GLB1L3: variants seen among roughly 807,000 people sequenced by gnomAD.
GLB1L3 encodes the protein galactosidase beta 1 like 3.
Under a neutral mutation model 89.5 loss-of-function variants are expected in GLB1L3, and 89 were observed. The ratio of observed to expected loss-of-function variants is 0.99; its 90% CI spans 0.84 to 1.19. The LOEUF is 1.19. GLB1L3 is among the 50% of genes most tolerant of loss of function. The probability of loss-of-function intolerance (pLI) is 0.00; values close to 1 mark genes in which losing one functional copy is unlikely to be tolerated. For synonymous variants in GLB1L3, 314 were observed against 312.3 expected (o/e 1.01, Z -0.06); for missense variants, 812 against 813.3 (o/e 1.00, Z 0.02).
chr11:134,313,847 G>T, intron 16 of GLB1L3, 94 bp from the exon 17 acceptor site: 1 of 798,652 alleles, frequency 1.3e-6, no homozygotes, highest in South Asian at 1.5e-5. Context: ...CCTGTCCTAA[G>T]GCATGTACAA....
chr11:134,284,924 CTTTT>C (rs536491197), intron 6 of GLB1L3, among the ~76,000 whole-genome samples: 26 of 73,998 alleles, frequency 3.5e-4, no homozygotes, highest in East Asian at 1.9e-3. Context: ...CATGCATTGC[CTTTT>C]TTTTTTTTTT....
chr11:134,324,169 G>A (rs974264161), downstream of GLB1L3, among the ~76,000 whole-genome samples: 18 of 152,170 alleles, frequency 1.2e-4, no homozygotes, highest in African/African-American at 4.3e-4. Context: ...AATTGTTAAA[G>A]TTTTCGTTAA....
intron 13 of GLB1L3, chr11:134,312,077 G>A (rs544567701): frequency 1.0e-4 from 35 of 343,832 alleles, no homozygotes; most frequent in Non-Finnish European, 1.5e-4. Flanking sequence ...GATTACAGGC[G>A]TGAGCCCCTG....
chr11:134,292,824 A>G, intron 8 of GLB1L3: 1 of 460,012 alleles, frequency 2.2e-6, no homozygotes, highest in South Asian at 2.3e-5. Context: ...AGCCTGGCAC[A>G]CTGGAACACG....
chr11:134,295,686 T>C (rs1175697940), intron 9 of GLB1L3, among the ~76,000 whole-genome samples: 2 of 152,210 alleles, frequency 1.3e-5, no homozygotes, highest in Non-Finnish European at 1.5e-5. Context: ...TCTTGGTCTT[T>C]CTGGTGGAAA....
At chr11:134,281,352 C>A in intron 3 of GLB1L3, 25 bp from the exon 4 acceptor site, 1 of 1,613,754 alleles carries the variant, frequency 6.2e-7, no homozygotes, top group Non-Finnish European at 8.5e-7. Context: ...AGATACTCAT[C>A]ATACTTCCCT....
chr11:134,307,029 A>G (rs1255344212), intron 9 of GLB1L3, 95 bp from the exon 10 acceptor site: 22 of 794,338 alleles, frequency 2.8e-5, no homozygotes, highest in Non-Finnish European at 4.1e-5. Flanking sequence ...GGAGAAACGC[A>G]TGAGTTCCTT....
intron 4 of GLB1L3, 35 bp downstream of exon 4, chr11:134,281,480 G>C: frequency 6.5e-7 from 1 of 1,546,030 alleles, no homozygotes; most frequent in East Asian, 2.2e-5. Flanking sequence ...CCCTGGTCAG[G>C]GGCAGGGCAC....
intron 18 of GLB1L3, among the ~76,000 whole-genome samples, chr11:134,315,935 C>T (rs1053345035): frequency 2.6e-5 from 4 of 152,054 alleles, no homozygotes; most frequent in Admixed American, 6.6e-5. Context: ...TCATCATTTA[C>T]GCGTGGATTT....
intron 18 of GLB1L3, among the ~76,000 whole-genome samples, chr11:134,314,661 G>A (rs141962084): frequency 6.6e-6 from 1 of 152,180 alleles, no homozygotes; most frequent in African/African-American, 2.4e-5. Flanking sequence ...ACAATAACAA[G>A]AGGGAGAGAG....
chr11:134,293,157 T>C lies in GLB1L3; in HGVS notation c.824T>C (p.Ile275Thr). 1 of 1,613,782 alleles carries C rather than the reference T, an allele frequency of 6.2e-7. No homozygotes were observed. The highest frequency in any genetic ancestry group is 8.5e-7 in the Non-Finnish European group (1 of 1,179,760). ...SGHTKGVLAA[I>T]NLQKLHQDTF... ...CTTCTTTATGCAGTGTTGGCCGCCA[T>C]CAATTTGCAAAAACTTCACCAGGAT... Residue 275 changes from isoleucine (I) to threonine (T), a missense_variant, in exon 9 of 20, where the codon ATC becomes ACC. Coordinates refer to ENST00000431683, the MANE Select transcript of GLB1L3 (RefSeq NM_001080407.3).
chr11:134,282,225 C>T (rs1234169728), intron 5 of GLB1L3, 105 bp downstream of exon 5: 1 of 1,343,630 alleles, frequency 7.4e-7, no homozygotes, highest in African/African-American at 1.5e-5. Context: ...ATTCACGGAG[C>T]CGATGGGAGG....
chr11:134,290,217 G>C (rs977698791), intron 7 of GLB1L3, among the ~76,000 whole-genome samples: 1 of 152,218 alleles, frequency 6.6e-6, no homozygotes, highest in Admixed American at 6.5e-5. Flanking sequence ...TTATTTAATC[G>C]GTTGTATTCA....
chr11:134,313,882 C>T, intron 16 of GLB1L3, 59 bp from the exon 17 acceptor site: 1 of 1,094,692 alleles, frequency 9.1e-7, no homozygotes, highest in Non-Finnish European at 1.4e-6. Flanking sequence ...GTCCCAGATG[C>T]TAGAGAATAT....
downstream of GLB1L3, among the ~76,000 whole-genome samples, chr11:134,323,419 AC>A (rs1943190127): frequency 2.2e-5 from 3 of 134,112 alleles, no homozygotes; most frequent in East Asian, 2.2e-4. Flanking sequence ...ACACACACAC[AC>A]ACACAATTAG....
At chr11:134,310,320 AC>A in intron 11 of GLB1L3, 2 of 527,012 alleles carry the variant, frequency 3.8e-6, no homozygotes. Context: ...TGTGGGTTGA[AC>A]AAGTTTGCAT....
At chr11:134,284,437 A>G (rs949737698) in intron 6 of GLB1L3, among the ~76,000 whole-genome samples, 2 of 152,140 alleles carry the variant, frequency 1.3e-5, no homozygotes, top group African/African-American at 4.8e-5. Flanking sequence ...TTCATTTAAC[A>G]GGTATTCAGT....
chr11:134,309,522 G>A (rs1942616142), intron 10 of GLB1L3, 104 bp from the exon 11 acceptor site: 1 of 740,596 alleles, frequency 1.4e-6, no homozygotes, highest in Non-Finnish European at 2.1e-6. Flanking sequence ...AGGAGTTACT[G>A]TAACTGATTG....
At chr11:134,299,223 T>G (rs1941813627) in intron 9 of GLB1L3, among the ~76,000 whole-genome samples, 2 of 152,032 alleles carry the variant, frequency 1.3e-5, no homozygotes, top group African/African-American at 4.8e-5. Context: ...CTGTCTTCCT[T>G]TTCCATGATA....
Sources: gnomAD v4.1 joint callset for allele counts (sites outside exome capture counted in the v4.1 genomes callset) on GRCh38, gnomAD v4.1.1 for gene constraint, MANE v1.5 for transcripts, NCBI Gene and HGNC (gene_info 2026-07-23, HGNC 2026-07-21) for gene names.